Variants in PLXDC2 observed in about 807,000 individuals in gnomAD.
The protein encoded by PLXDC2 is plexin domain-containing protein 2.
In PLXDC2, 40 loss-of-function variants were observed where a neutral mutation model predicts 68.9. The ratio of observed to expected loss-of-function variants is 0.58; its 90% CI spans 0.45 to 0.76. PLXDC2 has a LOEUF of 0.76. PLXDC2 is among the 30% of genes least tolerant of loss of function. The probability of loss-of-function intolerance (pLI) is 0.00; values close to 1 mark genes in which losing one functional copy is unlikely to be tolerated. For missense variants in PLXDC2, 644 were observed against 661.9 expected (o/e 0.97, Z 0.30); for synonymous variants, 243 against 234.2 (o/e 1.04, Z -0.34).
At chr10:20,142,696 C>T (rs1327199896) in intron 4 of PLXDC2, among the ~76,000 whole-genome samples, 1 of 151,566 alleles carries the variant, frequency 6.6e-6, no homozygotes, top group Non-Finnish European at 1.5e-5. Context: ...TACCTGCAAA[C>T]ATATAGACTT....
Position 19,845,626 on chromosome 10 carries a change from A to C in PLXDC2, c.112+28435A>C, listed in dbSNP as rs115498973. Among the ~76,000 whole-genome samples, 699 of 152,288 alleles carry C rather than the reference A, an allele frequency of 4.6e-3. 3 individuals are homozygous for C. Among genetic ancestry groups the C allele is most frequent in the African/African-American group, 0.015 (616 of 41,568 alleles). On this transcript the variant is annotated intron_variant, in intron 1 of 13. Coordinates refer to ENST00000377252, the MANE Select transcript of PLXDC2 (RefSeq NM_032812.9). ...AGAGGTAGAAGAAAACAGCTTTATG[A>C]AAGAGGCAGTGTTATAGCCCTGGTG...
intron 2 of PLXDC2, among the ~76,000 whole-genome samples, chr10:20,024,447 C>G (rs1835363140): frequency 6.6e-6 from 1 of 152,196 alleles, no homozygotes; most frequent in African/African-American, 2.4e-5. Context: ...TATTAACAAT[C>G]TTTGGTCTCC....
chr10:19,839,712 CTG>C (rs1223388259), intron 1 of PLXDC2, among the ~76,000 whole-genome samples: 1 of 151,082 alleles, frequency 6.6e-6, no homozygotes, highest in African/African-American at 2.4e-5. Context: ...CCAATGGTAA[CTG>C]TTACTTTTTT....
chr10:19,850,410 A>G (rs1435303658), intron 1 of PLXDC2, among the ~76,000 whole-genome samples: 1 of 152,166 alleles, frequency 6.6e-6, no homozygotes, highest in Non-Finnish European at 1.5e-5. Context: ...CATAATATTC[A>G]GCGAGAAGTT....
At chr10:20,215,059 A>C (rs909515927) in intron 10 of PLXDC2, among the ~76,000 whole-genome samples, 1 of 152,166 alleles carries the variant, frequency 6.6e-6, no homozygotes, top group Non-Finnish European at 1.5e-5. Flanking sequence ...TGCAAAAGAT[A>C]ATGCATAGAA....
In PLXDC2 at chr10:19,938,483, C is replaced by T. The variant is rs189677913; in HGVS notation, c.113-63292C>T. 4.4e-3 allele frequency among the ~76,000 whole-genome samples: 664 copies of T among 152,182 alleles called. 5 individuals carry two copies. The highest frequency in any genetic ancestry group is 2.7e-3 in the Non-Finnish European group (183 of 67,988). On this transcript the variant is annotated intron_variant, in intron 1 of 13. Transcript: ENST00000377252. ...GCAAAGTGGGAGCAGACATCTTACACGGCAGGAGCAGGACTGAGAGAGAGT... is the reference window on the plus strand; with the variant it reads ...GCAAAGTGGGAGCAGACATCTTACATGGCAGGAGCAGGACTGAGAGAGAGT...
At chr10:20,150,472 T>C (rs1271273282) in intron 6 of PLXDC2, among the ~76,000 whole-genome samples, 1 of 152,172 alleles carries the variant, frequency 6.6e-6, no homozygotes, top group Non-Finnish European at 1.5e-5. Context: ...ATCAGGGCTG[T>C]GTTTTTATAT....
intron 2 of PLXDC2, among the ~76,000 whole-genome samples, chr10:20,009,992 G>A (rs1835085558): frequency 6.6e-6 from 1 of 151,970 alleles, no homozygotes; most frequent in African/African-American, 2.4e-5. Context: ...TAGTGGTTAG[G>A]GGAAAGGCTG....
chr10:20,054,015 A>G (rs1835950542), intron 3 of PLXDC2, among the ~76,000 whole-genome samples: 1 of 152,138 alleles, frequency 6.6e-6, no homozygotes, highest in African/African-American at 2.4e-5. Context: ...AAGTAGTTAA[A>G]GCATTAAAGC....
At chr10:20,167,134 G>A (rs1834386411) in intron 7 of PLXDC2, among the ~76,000 whole-genome samples, 1 of 152,110 alleles carries the variant, frequency 6.6e-6, no homozygotes, top group Non-Finnish European at 1.5e-5. Flanking sequence ...TTCTGCCATT[G>A]TTGCTGTTAG....
At chr10:20,252,609 T>A (rs199689232) in intron 13 of PLXDC2, among the ~76,000 whole-genome samples, 1 of 152,198 alleles carries the variant, frequency 6.6e-6, no homozygotes, top group African/African-American at 2.4e-5. Context: ...GAGGAGCTTA[T>A]GAGGAGGCAG....
At chr10:19,975,521 C>A (rs548211965) in intron 1 of PLXDC2, among the ~76,000 whole-genome samples, 117 of 152,018 alleles carry the variant, frequency 7.7e-4, no homozygotes, top group African/African-American at 2.7e-3. Flanking sequence ...GATTTTAGTT[C>A]TTTAAATTTA....
chr10:20,118,362 C>A (rs1056247140), intron 4 of PLXDC2, among the ~76,000 whole-genome samples: 1 of 152,116 alleles, frequency 6.6e-6, no homozygotes, highest in African/African-American at 2.4e-5. Flanking sequence ...TATCTCATGG[C>A]TCCTGGGCTG....
intron 7 of PLXDC2, among the ~76,000 whole-genome samples, chr10:20,171,116 A>T (rs1834440958): frequency 6.6e-6 from 1 of 152,164 alleles, no homozygotes; most frequent in Admixed American, 6.5e-5. Flanking sequence ...GCTATAATGA[A>T]AATATGTGGT....
Position 20,230,848 on chromosome 10 carries a change from GT to G in PLXDC2, c.1312+11756del, listed in dbSNP as rs1000858004. Among the ~76,000 whole-genome samples, 7 of 141,662 alleles carry G rather than the reference GT, an allele frequency of 4.9e-5. No individual in the cohort carries two copies. The South Asian group carries it at 7.0e-4, about 14-fold the overall frequency. 92.9% of individuals were successfully genotyped at this position (141,662 alleles called of 152,430 possible). A position where few individuals can be genotyped will look rare whatever the true frequency, so the allele number is the denominator to read the frequency against. On this transcript the variant is annotated intron_variant, in intron 12 of 13. Transcript: ENST00000377252. ...CATAATCCAGCAGTGTCCCTGGAGG[GT>G]TTTTTTTTTCAAGTTCACATGAAAC...
intron 2 of PLXDC2, among the ~76,000 whole-genome samples, chr10:20,009,421 T>C (rs1212672374): frequency 1.3e-5 from 2 of 152,084 alleles, no homozygotes; most frequent in Non-Finnish European, 2.9e-5. Context: ...AACTGATAGA[T>C]GTTTAACATG....
At chr10:19,951,972 A>C (rs1462584365) in intron 1 of PLXDC2, among the ~76,000 whole-genome samples, 7 of 152,122 alleles carry the variant, frequency 4.6e-5, no homozygotes, top group Non-Finnish European at 1.0e-4. Flanking sequence ...AAAGATGGCA[A>C]CAGTAGACAC....
chr10:19,960,538 A>G (rs569948152), intron 1 of PLXDC2, among the ~76,000 whole-genome samples: 1 of 152,106 alleles, frequency 6.6e-6, no homozygotes, highest in African/African-American at 2.4e-5. Flanking sequence ...TTTCCTTCCT[A>G]TTCTGTCCTC....
chr10:20,217,362 A>G (rs549247084), intron 10 of PLXDC2, 64 bp from the exon 11 acceptor site: 12 of 1,436,668 alleles, frequency 8.4e-6, no homozygotes, highest in South Asian at 1.5e-5. Flanking sequence ...AGCTTCTTTG[A>G]TGTAAGTTCT....
Sources: gnomAD v4.1 joint callset for allele counts (sites outside exome capture counted in the v4.1 genomes callset) on GRCh38, gnomAD v4.1.1 for gene constraint, MANE v1.5 for transcripts, NCBI Gene and HGNC (gene_info 2026-07-23, HGNC 2026-07-21) for gene names.